The following ANK3 variants were observed in gnomAD, a reference collection of about 807,000 sequenced individuals.
ANK3 encodes ankyrin-3.
In ANK3, 57 loss-of-function variants were observed where a neutral mutation model predicts 370.9. The observed-to-expected ratio is 0.15, with a 90% confidence interval of 0.12 to 0.19. The LOEUF (loss-of-function observed/expected upper bound fraction) is 0.19. ANK3 is among the 10% of genes least tolerant of loss of function. ANK3 has a pLI of 1.00. For synonymous variants in ANK3, 1,929 were observed against 1,946.3 expected (o/e 0.99, Z 0.23); for missense variants, 4,439 against 5,302.1 (o/e 0.84, Z 5.06).
Position 60,236,304 on chromosome 10 carries a change from A to G in ANK3, c.799-1518T>C, listed in dbSNP as rs1000954301. 3.3e-5 allele frequency among the ~76,000 whole-genome samples: 5 copies of G among 150,480 alleles called. No homozygotes were observed. In the East Asian group the frequency reaches 7.7e-4, roughly 23 times the overall value. On this transcript the variant is annotated intron_variant, in intron 7 of 43. Transcript: ENST00000280772. ...CATTATCATAATGAAGAAAGTAAAA[A>G]TAATTCCTTTATAGCACCCAAGACC... is the stretch of plus-strand genomic sequence containing the variant.
intron 28 of ANK3, among the ~76,000 whole-genome samples, chr10:60,097,411 C>A (rs1366458755): frequency 1.3e-5 from 2 of 152,150 alleles, no homozygotes; most frequent in African/African-American, 4.8e-5. Flanking sequence ...AAGCAGCAGG[C>A]CTGATTACAG....
chr10:60,642,637 T>TTG, intron 1 of ANK3, among the ~76,000 whole-genome samples: 1 of 144,846 alleles, frequency 6.9e-6, no homozygotes, highest in East Asian at 2.1e-4. Context: ...TGTTGTGGGG[T>TTG]GGGGGGGCGA....
chr10:60,664,175 C>A (rs1228342493), intron 1 of ANK3, among the ~76,000 whole-genome samples: 1 of 152,172 alleles, frequency 6.6e-6, no homozygotes, highest in African/African-American at 2.4e-5. Flanking sequence ...TCCAGCACTT[C>A]CAAGAATTTC....
At position 60,423,979 on chromosome 10, in the gene ANK3, T is replaced by C. The variant is rs72806177; in HGVS notation, c.97-144340A>G. ...ACATAAGCGTTTTAATATTGGCAAA[T>C]ATATATTATTTCCTTGGGCATTCCA... On this transcript the variant is annotated intron_variant, in intron 2 of 43. Transcript: ENST00000373827. Among the ~76,000 whole-genome samples, 803 of 152,202 alleles carry C rather than the reference T, an allele frequency of 5.3e-3. 4 individuals carry two copies. Among genetic ancestry groups the C allele is most frequent in the South Asian group, 9.5e-3 (46 of 4,828 alleles).
chr10:60,062,868 C>A, intron 40 of ANK3: 1 of 300,780 alleles, frequency 3.3e-6, no homozygotes, highest in Non-Finnish European at 6.0e-6. Context: ...AATACCAACT[C>A]TTTCAGATAC....
Position 60,070,593 on chromosome 10 carries a change from T to G in ANK3, c.10288A>C (p.Ser3430Arg), listed in dbSNP as rs1276395320. Residue 3430 changes from serine to arginine, a missense_variant, in exon 37 of 44, where the codon AGT becomes CGT. Ser to Arg is a moderately radical substitution (Grantham distance 110). Coordinates refer to ENST00000280772, the MANE Select transcript of ANK3 (RefSeq NM_020987.5). The surrounding 1 kb of genome is among the most constrained non-coding windows in gnomAD (Gnocchi z 5.7). Reference sequence around the variant, plus strand: ...GCTTGAATTGGGAGTTTAGAATCACTCTCTGTCAAGCCATCATCTTCATCT... The same window carrying G: ...GCTTGAATTGGGAGTTTAGAATCACGCTCTGTCAAGCCATCATCTTCATCT... ...LQDEDDGLTE[S>R]DSKLPIQAME... The G allele has an allele frequency of 6.2e-7, 1 of 1,614,144 alleles. No individual in the cohort carries two copies. Among genetic ancestry groups the G allele is most frequent in the South Asian group, 1.1e-5 (1 of 91,086 alleles).
intron 1 of ANK3, among the ~76,000 whole-genome samples, chr10:60,356,223 C>T (rs1444232133): frequency 6.6e-6 from 1 of 152,192 alleles, no homozygotes; most frequent in African/African-American, 2.4e-5. Context: ...GAATGACACC[C>T]TCTGTTGTTA....
Position 60,076,384 on chromosome 10 carries a change from A to T in ANK3, c.4497T>A (p.Ser1499=). The T allele has an allele frequency of 1.9e-6, 3 of 1,614,040 alleles. No homozygotes were observed. The highest frequency in any genetic ancestry group is 1.7e-6 in the Non-Finnish European group (2 of 1,179,956). ...PTTYSYKPFF[S]TRPYQSWTTA... is the part of the protein sequence containing the mutation. Reference sequence around the variant, plus strand: ...TTGTCCAGGACTGGTATGGTCTTGTAGAAAAGAATGGCTTGTATGAGTAAG... The same window carrying T: ...TTGTCCAGGACTGGTATGGTCTTGTTGAAAAGAATGGCTTGTATGAGTAAG... Residue 1499 remains serine (S), a synonymous_variant, in exon 37 of 44, where the codon TCT becomes TCA. Coordinates refer to ENST00000280772, the MANE Select transcript of ANK3 (RefSeq NM_020987.5).
intron 41 of ANK3, 119 bp from the exon 42 acceptor site, chr10:60,056,155 G>A (rs2079117359): frequency 8.3e-7 from 1 of 1,201,790 alleles, no homozygotes. Flanking sequence ...AAATAGAAAA[G>A]TGTGAAAAGT....
intron 7 of ANK3, among the ~76,000 whole-genome samples, chr10:60,246,273 A>G (rs1431447675): frequency 2.0e-5 from 3 of 148,942 alleles, no homozygotes; most frequent in Admixed American, 6.8e-5. Context: ...AAAAAAAAAA[A>G]AAAAAAAAGA....
rs2096622172 is a variant in ANK3, at chr10:60,198,562, G to A, written c.1492-25C>T. On this transcript the variant is annotated intron_variant, in intron 13 of 43. Transcript: ENST00000280772. Reference sequence around the variant, plus strand: ...CCTAAACAGCAAGGTAGAAATGTAAGGCTGATGAGCTGAGGAAACAATGGT... The same window carrying A: ...CCTAAACAGCAAGGTAGAAATGTAAAGCTGATGAGCTGAGGAAACAATGGT... The A allele has an allele frequency of 6.8e-6, 11 of 1,606,824 alleles. No homozygotes were observed. The East Asian group carries it at 2.2e-4, about 33-fold the overall frequency.
chr10:60,455,498 T>C (rs1301469827), intron 2 of ANK3, among the ~76,000 whole-genome samples: 2 of 152,184 alleles, frequency 1.3e-5, no homozygotes, highest in Non-Finnish European at 2.9e-5. Context: ...TTATATTTCA[T>C]TGCAGTTTTC....
intron 1 of ANK3, among the ~76,000 whole-genome samples, chr10:60,728,043 C>T (rs536319908): frequency 6.6e-6 from 1 of 152,324 alleles, no homozygotes; most frequent in South Asian, 2.1e-4. Context: ...ACTCCATGTT[C>T]ATCGCCTCTT....
intron 2 of ANK3, among the ~76,000 whole-genome samples, chr10:60,545,346 C>T (rs1482466591): frequency 2.6e-5 from 4 of 151,604 alleles, no homozygotes; most frequent in Non-Finnish European, 5.9e-5. Context: ...TGTTTTCCAG[C>T]TATGTATCTC....
At chr10:60,732,922 G>T (rs544660759) in intron 1 of ANK3, among the ~76,000 whole-genome samples, 2 of 151,962 alleles carry the variant, frequency 1.3e-5, no homozygotes, top group South Asian at 4.2e-4. Flanking sequence ...AGGTGAGGGC[G>T]TCCTGAGCCC....
intron 2 of ANK3, among the ~76,000 whole-genome samples, chr10:60,416,318 C>A (rs1229410168): frequency 6.6e-6 from 1 of 152,120 alleles, no homozygotes; most frequent in Non-Finnish European, 1.5e-5. Flanking sequence ...TTACATGGAA[C>A]CACACAGATG....
chr10:60,523,642 T>C (rs907253192), intron 2 of ANK3, among the ~76,000 whole-genome samples: 4 of 151,984 alleles, frequency 2.6e-5, no homozygotes, highest in Admixed American at 1.3e-4. Context: ...AGTCTATTGT[T>C]GTTGGACATT....
intron 2 of ANK3, chr10:60,572,461 T>G (rs1567156619): frequency 6.5e-7 from 1 of 1,535,774 alleles, no homozygotes; most frequent in Middle Eastern, 1.7e-4. Context: ...TATTCATTTC[T>G]TACCTTTTTT....
chr10:60,121,378 C>CAAA (rs201473806), intron 25 of ANK3, among the ~76,000 whole-genome samples: 2 of 135,520 alleles, frequency 1.5e-5, no homozygotes, highest in African/African-American at 5.6e-5. Context: ...TAAAATGCAC[C>CAAA]AAAAAAAAAA....
Sources: allele counts gnomAD v4.1 joint callset (sites outside exome capture counted in the v4.1 genomes callset), GRCh38; gene constraint gnomAD v4.1.1; non-coding constraint Gnocchi (gnomAD v3.1); transcripts MANE v1.5; gene names NCBI Gene and HGNC (gene_info 2026-07-23, HGNC 2026-07-21).